SOS1: variants seen among roughly 807,000 people sequenced by gnomAD.
SOS1 encodes SOS Ras/Rac guanine nucleotide exchange factor 1, also known as son of sevenless homolog 1.
SOS1 carries 25 observed loss-of-function variants against 157.6 expected under a neutral mutation model. That is an observed-to-expected ratio of 0.16 (90% CI 0.12 to 0.22). The LOEUF is 0.22. Among genes scored for constraint, SOS1 ranks in the 10% least tolerant of loss-of-function variants. The probability of loss-of-function intolerance (pLI) is 1.00; values close to 1 mark genes in which losing one functional copy is unlikely to be tolerated. For synonymous variants in SOS1, 528 were observed against 534.0 expected (o/e 0.99, Z 0.16); for missense variants, 1,237 against 1,599.1 (o/e 0.77, Z 3.86).
intron 1 of SOS1, among the ~76,000 whole-genome samples, chr2:39,102,204 CAAAAAAA>C (rs58865034): frequency 9.3e-4 from 22 of 23,750 alleles, no homozygotes; most frequent in South Asian, 4.1e-3. Context: ...GACTCTGTCT[CAAAAAAA>C]AAAAAAAAAA....
At position 38,982,172 on chromosome 2, in the gene SOS1, A is replaced by T. The variant is rs942655661; in HGVS notation, c.*3652T>A. 2.6e-5 allele frequency: 4 copies of T among 152,196 alleles called. No homozygotes were observed. The highest frequency in any genetic ancestry group is 9.6e-5 in the African/African-American group (4 of 41,454). 9.4% of individuals were successfully genotyped at this position (152,196 alleles called of 1,614,324 possible). A position where few individuals can be genotyped will look rare whatever the true frequency, so the allele number is the denominator to read the frequency against. On this transcript the variant is annotated 3_prime_UTR_variant, in exon 23 of 23. Coordinates refer to ENST00000402219, the MANE Select transcript of SOS1 (RefSeq NM_005633.4). The stretch of plus-strand genomic sequence containing the variant: ...GCTACTTAATGCACTATTTTCATTA[A>T]AGGCAAAAGGGAAATTTGCTCACAG...
At chr2:39,079,487 ATTT>A (rs1201929648) in intron 1 of SOS1, among the ~76,000 whole-genome samples, 4 of 82,714 alleles carry the variant, frequency 4.8e-5, no homozygotes, top group Admixed American at 1.5e-4. Flanking sequence ...AAGTGTTCGA[ATTT>A]TTTTTTTTTT....
At chr2:39,121,965 G>A (rs988983379), upstream of SOS1, among the ~76,000 whole-genome samples, 6 of 152,050 alleles carry the variant, frequency 3.9e-5, no homozygotes, top group Non-Finnish European at 8.8e-5. Context: ...TCATTTCACC[G>A]ATAAGAAGGC....
intron 5 of SOS1, among the ~76,000 whole-genome samples, chr2:39,051,861 G>A (rs2124598184): frequency 6.6e-6 from 1 of 152,188 alleles, no homozygotes; most frequent in East Asian, 1.9e-4. Flanking sequence ...GAAAAATCTA[G>A]CTTTTCTGTG....
chr2:39,060,296 G>C (rs1671355114), intron 2 of SOS1, among the ~76,000 whole-genome samples: 1 of 152,128 alleles, frequency 6.6e-6, no homozygotes, highest in Admixed American at 6.6e-5. Context: ...CTCATAGTAA[G>C]AATAAATTTT....
At chr2:39,105,131 C>T (rs7571629) in intron 1 of SOS1, among the ~76,000 whole-genome samples, 1,570 of 152,162 alleles carry the variant, frequency 0.01, 34 homozygotes, top group African/African-American at 0.036. Context: ...AAGTGCATTC[C>T]ATTACAAATT....
At chr2:39,106,748 G>C (rs867288402) in intron 1 of SOS1, among the ~76,000 whole-genome samples, 11 of 152,214 alleles carry the variant, frequency 7.2e-5, no homozygotes, top group African/African-American at 2.4e-4. Context: ...TCACTGGTTT[G>C]CGCCTTTCTG....
intron 8 of SOS1, among the ~76,000 whole-genome samples, chr2:39,027,830 ATTT>A (rs375324523): frequency 7.0e-6 from 1 of 142,712 alleles, no homozygotes; most frequent in African/African-American, 2.6e-5. Context: ...TCATATTATT[ATTT>A]TTTTTTTTTT....
intron 10 of SOS1, among the ~76,000 whole-genome samples, chr2:39,018,446 G>A (rs1669698882): frequency 6.6e-6 from 1 of 151,672 alleles, no homozygotes; most frequent in Non-Finnish European, 1.5e-5. Context: ...TTTTCAAACA[G>A]AAATAACCAG....
At chr2:39,034,047 A>G (rs1214061070) in intron 8 of SOS1, among the ~76,000 whole-genome samples, 1 of 152,240 alleles carries the variant, frequency 6.6e-6, no homozygotes, top group East Asian at 1.9e-4. Flanking sequence ...AAGATTTTAC[A>G]TACTAAATGC....
At chr2:39,116,348 G>C (rs889409013) in intron 1 of SOS1, among the ~76,000 whole-genome samples, 2 of 152,060 alleles carry the variant, frequency 1.3e-5, no homozygotes, top group African/African-American at 4.8e-5. Context: ...TGAGTTACTA[G>C]ATCCTGTCAA....
chr2:39,010,479 G>A (rs1669430312), intron 15 of SOS1, 105 bp downstream of exon 15: 10 of 1,057,508 alleles, frequency 9.5e-6, no homozygotes, highest in Non-Finnish European at 1.4e-5. Context: ...TCCAGCCTAT[G>A]TGACAGAGCA....
At chr2:39,054,537 G>T in intron 5 of SOS1, 77 bp downstream of exon 5, 1 of 842,098 alleles carries the variant, frequency 1.2e-6, no homozygotes, top group Non-Finnish European at 2.0e-6. Context: ...ATGATGAACT[G>T]TACAACTTCA....
chr2:39,027,819 A>G (rs1454585055), intron 8 of SOS1, among the ~76,000 whole-genome samples: 2 of 151,906 alleles, frequency 1.3e-5, no homozygotes, highest in East Asian at 3.8e-4. Context: ...CATCTAGGGA[A>G]TCATATTATT....
chr2:39,102,530 CAAAAAAAAAAAA>C (rs70954782), intron 1 of SOS1, among the ~76,000 whole-genome samples: 2 of 50,596 alleles, frequency 4.0e-5, no homozygotes, highest in African/African-American at 8.4e-5. Context: ...GACTCCATCT[CAAAAAAAAAAAA>C]AAAAAAAAAA....
chr2:39,091,375 A>G lies in SOS1; in HGVS notation c.88-23622T>C, dbSNP rs141999213. Among the ~76,000 whole-genome samples, 1,235 of 152,312 alleles carry G rather than the reference A, an allele frequency of 8.1e-3. 7 individuals carry two copies. Among genetic ancestry groups the G allele is most frequent in the Middle Eastern group, 0.014 (4 of 294 alleles). On this transcript the variant is annotated intron_variant, in intron 1 of 22. Coordinates refer to ENST00000402219, the MANE Select transcript of SOS1 (RefSeq NM_005633.4). ...ACTATGAATAAGTGAATGAAATTACATAATGCAGCGTGTTCAACTTTTGAT... is the reference window on the plus strand; with the variant it reads ...ACTATGAATAAGTGAATGAAATTACGTAATGCAGCGTGTTCAACTTTTGAT...
In SOS1 at chr2:38,998,007, T is replaced by C. The variant is rs75212687; in HGVS notation, c.2792-582A>G. Among the ~76,000 whole-genome samples, 555 of 152,270 alleles carry C rather than the reference T, an allele frequency of 3.6e-3. 5 individuals are homozygous for C. The highest frequency in any genetic ancestry group is 0.012 in the African/African-American group (519 of 41,566). On this transcript the variant is annotated intron_variant, in intron 17 of 22. Coordinates refer to ENST00000402219, the MANE Select transcript of SOS1 (RefSeq NM_005633.4). ...TTGGATAGGCTTACTCATGGAAATGTGGAAGGTTTTGCAAGCCTGTCAAAT... is the reference window on the plus strand; with the variant it reads ...TTGGATAGGCTTACTCATGGAAATGCGGAAGGTTTTGCAAGCCTGTCAAAT...
In SOS1 at chr2:39,055,543, A is replaced by T. The variant is rs2060988; in HGVS notation, c.511-720T>A. Among the ~76,000 whole-genome samples, 3 of 152,090 alleles carry T rather than the reference A, an allele frequency of 2.0e-5. No individual in the cohort carries two copies. The East Asian group carries it at 5.8e-4, about 29-fold the overall frequency. On this transcript the variant is annotated intron_variant, in intron 4 of 22. Transcript: ENST00000402219. Reference sequence around the variant, plus strand: ...TCAAGTATTTCGTATTCGTGTCTTCAGTTAAAAATACCCAAACATTTGAAA... The same window carrying T: ...TCAAGTATTTCGTATTCGTGTCTTCTGTTAAAAATACCCAAACATTTGAAA...
At position 39,074,321 on chromosome 2, in the gene SOS1, G is replaced by A. The variant is rs188886413; in HGVS notation, c.88-6568C>T. 2.7e-3 allele frequency among the ~76,000 whole-genome samples: 389 copies of A among 145,560 alleles called. 1 individual carries two copies. The highest frequency in any genetic ancestry group is 0.017 in the Middle Eastern group (4 of 238). ...GCTGAGATCCTGCCACTGCACTCCA[G>A]TCTGGGTGACAGAGTGAGATTGCAT... On this transcript the variant is annotated intron_variant, in intron 1 of 22. Coordinates refer to ENST00000402219, the MANE Select transcript of SOS1 (RefSeq NM_005633.4).
Sources: gnomAD v4.1 joint callset for allele counts (sites outside exome capture counted in the v4.1 genomes callset) on GRCh38, gnomAD v4.1.1 for gene constraint, MANE v1.5 for transcripts, NCBI Gene and HGNC (gene_info 2026-07-23, HGNC 2026-07-21) for gene names.